The following DCLK1 variants were observed in gnomAD, a reference collection of about 807,000 sequenced individuals.
DCLK1 encodes the protein serine/threonine-protein kinase DCLK1.
DCLK1 carries 16 observed loss-of-function variants against 86.2 expected under a neutral mutation model. The observed-to-expected ratio is 0.19, with a 90% CI of 0.13 to 0.28. The LOEUF (loss-of-function observed/expected upper bound fraction) is 0.28, where lower values mean the gene tolerates loss of function less well. DCLK1 is among the 10% of genes least tolerant of loss of function. DCLK1 has a pLI of 1.00. For synonymous variants in DCLK1, 369 were observed against 370.5 expected (o/e 1.00, Z 0.05); for missense variants, 590 against 940.2 (o/e 0.63, Z 4.87).
At chr13:35,891,304 T>C (rs1316566811) in intron 4 of DCLK1, among the ~76,000 whole-genome samples, 1 of 152,220 alleles carries the variant, frequency 6.6e-6, no homozygotes, top group Non-Finnish European at 1.5e-5. Flanking sequence ...GGATTATCTA[T>C]AATTTTTAAA....
Position 35,808,413 on chromosome 13 carries a change from C to T in DCLK1, c.1767-93G>A. On this transcript the variant is annotated intron_variant, in intron 13 of 16. Coordinates refer to ENST00000360631, the MANE Select transcript of DCLK1 (RefSeq NM_001330071.2). Reference sequence around the variant, plus strand: ...CTTAGGCACTGGAGCCCTTCCTTTCCCCCCATAAATGTGTAAAAATGTGTA... The same window carrying T: ...CTTAGGCACTGGAGCCCTTCCTTTCTCCCCATAAATGTGTAAAAATGTGTA... 3.9e-6 allele frequency: 4 copies of T among 1,024,028 alleles called. No homozygotes were observed. The Middle Eastern group carries it at 6.1e-4, about 157-fold the overall frequency. The allele number at this position is 1,024,028 out of a possible 1,614,324, so 63.4% of individuals were successfully genotyped here.
intron 3 of DCLK1, among the ~76,000 whole-genome samples, chr13:36,002,994 C>T (rs1247252189): frequency 6.6e-6 from 1 of 152,194 alleles, no homozygotes; most frequent in African/African-American, 2.4e-5. Flanking sequence ...TGACCAAAGC[C>T]AGTGGGTCTG....
chr13:35,897,484 C>T (rs956501770), intron 4 of DCLK1, among the ~76,000 whole-genome samples: 2 of 152,110 alleles, frequency 1.3e-5, no homozygotes, highest in African/African-American at 4.8e-5. Flanking sequence ...GTGAAGAAAC[C>T]AATATGTAGA....
intron 16 of DCLK1, among the ~76,000 whole-genome samples, chr13:35,783,532 ACT>A (rs1346193469): frequency 6.6e-6 from 1 of 151,984 alleles, no homozygotes; most frequent in East Asian, 1.9e-4. Context: ...CCAAAGCCAC[ACT>A]CTCTCTGTAC....
At chr13:35,975,927 C>T (rs1190397571) in intron 3 of DCLK1, among the ~76,000 whole-genome samples, 1 of 152,162 alleles carries the variant, frequency 6.6e-6, no homozygotes, top group African/African-American at 2.4e-5. Context: ...AAAGCCAAAG[C>T]AAGCCTCCCT....
chr13:35,916,432 C>T (rs1442171944), intron 4 of DCLK1, among the ~76,000 whole-genome samples: 1 of 152,184 alleles, frequency 6.6e-6, no homozygotes, highest in Non-Finnish European at 1.5e-5. Context: ...CCTCTGCCCT[C>T]TCCATCTTCC....
intron 4 of DCLK1, among the ~76,000 whole-genome samples, chr13:35,889,947 T>C (rs1402737175): frequency 1.3e-5 from 2 of 152,174 alleles, no homozygotes; most frequent in Admixed American, 6.5e-5. Context: ...TATAAAACAG[T>C]ATAGTGTGCA....
intron 3 of DCLK1, among the ~76,000 whole-genome samples, chr13:36,079,725 C>T (rs979915562): frequency 3.9e-5 from 6 of 151,954 alleles, no homozygotes; most frequent in Non-Finnish European, 8.8e-5. Flanking sequence ...GCAAGGAAAA[C>T]GAATTGCTAC....
intron 3 of DCLK1, among the ~76,000 whole-genome samples, chr13:36,076,728 C>T (rs1884228410): frequency 6.6e-6 from 1 of 152,178 alleles, no homozygotes; most frequent in South Asian, 2.1e-4. Flanking sequence ...TTGCACCCGC[C>T]ACCTAGTACT....
At chr13:35,776,753 C>A (rs1242499546) in intron 16 of DCLK1, among the ~76,000 whole-genome samples, 2 of 152,294 alleles carry the variant, frequency 1.3e-5, no homozygotes, top group African/African-American at 4.8e-5. Context: ...GTGCACAAAG[C>A]TCACATTAGA....
chr13:36,119,758 C>G (rs949307906), intron 2 of DCLK1, among the ~76,000 whole-genome samples: 1 of 152,108 alleles, frequency 6.6e-6, no homozygotes, highest in African/African-American at 2.4e-5. Context: ...GTCATAGCTT[C>G]AAGGAGAAGC....
intron 10 of DCLK1, among the ~76,000 whole-genome samples, chr13:35,827,200 G>T (rs571221931): frequency 1.3e-5 from 2 of 152,100 alleles, no homozygotes; most frequent in Non-Finnish European, 2.9e-5. Context: ...CCATTATGTT[G>T]GTGACTAAAA....
At chr13:35,926,945 C>A (rs888797578) in intron 4 of DCLK1, among the ~76,000 whole-genome samples, 1 of 152,314 alleles carries the variant, frequency 6.6e-6, no homozygotes, top group Non-Finnish European at 1.5e-5. Context: ...CTGAATGGTG[C>A]AACTTCACAT....
intron 3 of DCLK1, among the ~76,000 whole-genome samples, chr13:35,958,283 T>TATAACCATCACCACCATC: frequency 2.5e-4 from 1 of 3,938 alleles, no homozygotes; most frequent in Non-Finnish European, 4.9e-4. Flanking sequence ...CCACCATCAC[T>TATAACCATCACCACCATC]GCCACTATAA....
At chr13:35,846,319 G>T in intron 6 of DCLK1, 1 of 985,186 alleles carries the variant, frequency 1.0e-6, no homozygotes, top group Non-Finnish European at 1.2e-6. Flanking sequence ...GCTTACTGAT[G>T]AGTATCAACT....
chr13:36,029,141 C>T (rs993549817), intron 3 of DCLK1, among the ~76,000 whole-genome samples: 1 of 152,172 alleles, frequency 6.6e-6, no homozygotes, highest in African/African-American at 2.4e-5. Context: ...GTGCGAGATT[C>T]AAGAACCCTC....
chr13:35,925,357 C>G (rs1405553601), intron 4 of DCLK1, among the ~76,000 whole-genome samples: 1 of 152,120 alleles, frequency 6.6e-6, no homozygotes, highest in Non-Finnish European at 1.5e-5. Context: ...TTGATGCTGG[C>G]TACAAACCAA....
At chr13:35,991,763 A>G (rs1880241643) in intron 3 of DCLK1, among the ~76,000 whole-genome samples, 4 of 152,182 alleles carry the variant, frequency 2.6e-5, no homozygotes, top group African/African-American at 7.2e-5. Context: ...CTAGGATGGA[A>G]GAGGAAAAGA....
chr13:35,902,212 G>C (rs1874408327), intron 4 of DCLK1, among the ~76,000 whole-genome samples: 1 of 152,202 alleles, frequency 6.6e-6, no homozygotes, highest in South Asian at 2.1e-4. Flanking sequence ...CAGTTAAAGG[G>C]TTGGAAAGTT....
Sources: allele counts gnomAD v4.1 joint callset (sites outside exome capture counted in the v4.1 genomes callset), GRCh38; gene constraint gnomAD v4.1.1; transcripts MANE v1.5; gene names NCBI Gene and HGNC (gene_info 2026-07-23, HGNC 2026-07-21).